The following MARCHF4 variants were observed in gnomAD, a reference collection of about 807,000 sequenced individuals.
MARCHF4 encodes E3 ubiquitin-protein ligase MARCHF4.
A neutral mutation model predicts 43.9 loss-of-function variants in MARCHF4; 14 were observed. The observed-to-expected ratio is 0.32, with a 90% CI of 0.21 to 0.50. The LOEUF (loss-of-function observed/expected upper bound fraction) is 0.50, where lower values mean the gene tolerates loss of function less well. Ranked by LOEUF, MARCHF4 falls within the 20% of genes least tolerant of loss-of-function variation. The pLI is 0.98. For synonymous variants in MARCHF4, 226 were observed against 213.3 expected, an observed-to-expected ratio of 1.06 and a Z score of -0.52; for missense variants, 468 against 536.7, an observed-to-expected ratio of 0.87 and a Z score of 1.27.
At chr2:216,309,756 G>T (rs1374048523) in intron 1 of MARCHF4, among the ~76,000 whole-genome samples, 1 of 152,216 alleles carries the variant, frequency 6.6e-6, no homozygotes, top group African/African-American at 2.4e-5. Flanking sequence ...GATGAAAATA[G>T]AAAGAGAGGC....
chr2:216,333,462 A>T (rs1692111790), intron 1 of MARCHF4, among the ~76,000 whole-genome samples: 1 of 152,238 alleles, frequency 6.6e-6, no homozygotes, highest in Non-Finnish European at 1.5e-5. Flanking sequence ...CACTGGATTG[A>T]CTCACATTAA....
chr2:216,354,360 C>G (rs1692449511), intron 1 of MARCHF4, among the ~76,000 whole-genome samples: 1 of 152,182 alleles, frequency 6.6e-6, no homozygotes, highest in Non-Finnish European at 1.5e-5. Flanking sequence ...TGCCTTGACT[C>G]CACCTACTCA....
intron 3 of MARCHF4, among the ~76,000 whole-genome samples, chr2:216,277,305 G>A (rs1291801527): frequency 6.6e-6 from 1 of 152,176 alleles, no homozygotes; most frequent in Non-Finnish European, 1.5e-5. Context: ...GGAATGAAAT[G>A]GGCAGGCATC....
intron 1 of MARCHF4, among the ~76,000 whole-genome samples, chr2:216,348,859 G>A (rs1203455009): frequency 6.6e-6 from 1 of 152,098 alleles, no homozygotes; most frequent in South Asian, 2.1e-4. Flanking sequence ...ACACACTAAA[G>A]ACTCCATTCA....
intron 1 of MARCHF4, among the ~76,000 whole-genome samples, chr2:216,340,170 C>A (rs1032827898): frequency 5.9e-5 from 9 of 152,196 alleles, no homozygotes; most frequent in African/African-American, 2.2e-4. Context: ...ATCCCTGGAG[C>A]TTTTCCACAA....
At chr2:216,327,732 A>T (rs1692017923) in intron 1 of MARCHF4, among the ~76,000 whole-genome samples, 1 of 152,232 alleles carries the variant, frequency 6.6e-6, no homozygotes, top group Admixed American at 6.5e-5. Context: ...ACCTGGCCAC[A>T]TAAATGAGTG....
At chr2:216,365,490 T>C (rs1488829174) in intron 1 of MARCHF4, among the ~76,000 whole-genome samples, 1 of 152,198 alleles carries the variant, frequency 6.6e-6, no homozygotes, top group African/African-American at 2.4e-5. Context: ...AAGGTATCCA[T>C]GTGTGGAGTG....
chr2:216,287,395 A>G (rs1691232648), intron 1 of MARCHF4, among the ~76,000 whole-genome samples: 1 of 152,052 alleles, frequency 6.6e-6, no homozygotes, highest in South Asian at 2.1e-4. Flanking sequence ...AGCAAACTCC[A>G]CAGATCAAAG....
intron 1 of MARCHF4, among the ~76,000 whole-genome samples, chr2:216,361,167 C>G (rs1168936719): frequency 6.6e-6 from 1 of 152,108 alleles, no homozygotes; most frequent in East Asian, 1.9e-4. Flanking sequence ...TCCAAAGACT[C>G]TGAGTCTAAT....
chr2:216,359,326 A>G (rs1692544272), intron 1 of MARCHF4, among the ~76,000 whole-genome samples: 1 of 152,178 alleles, frequency 6.6e-6, no homozygotes, highest in Non-Finnish European at 1.5e-5. Context: ...CAAAGAAGAG[A>G]ATGAATTATT....
chr2:216,287,611 G>T (rs1691236382), intron 1 of MARCHF4, among the ~76,000 whole-genome samples: 2 of 138,874 alleles, frequency 1.4e-5, no homozygotes, highest in African/African-American at 5.4e-5. Context: ...ACACAGGAAG[G>T]GGAACATCAC....
chr2:216,336,683 T>TAAATTTTGGTAATTCACCAAA (rs1692160882), intron 1 of MARCHF4, among the ~76,000 whole-genome samples: 1 of 142,616 alleles, frequency 7.0e-6, no homozygotes, highest in Non-Finnish European at 1.5e-5. Flanking sequence ...ATCGATTCAG[T>TAAATTTTGGTAATTCACCAAA]GTTGGTAAAT....
chr2:216,337,663 T>C (rs1692178436), intron 1 of MARCHF4, among the ~76,000 whole-genome samples: 1 of 152,224 alleles, frequency 6.6e-6, no homozygotes, highest in African/African-American at 2.4e-5. Context: ...ACTGTGCCTC[T>C]CTCCAAGTCT....
intron 1 of MARCHF4, among the ~76,000 whole-genome samples, chr2:216,326,974 A>T (rs549824700): frequency 1.4e-5 from 2 of 145,908 alleles, no homozygotes; most frequent in East Asian, 3.9e-4. Context: ...TAAAAAATAA[A>T]TAAATAAATA....
chr2:216,293,828 A>T (rs927781714), intron 1 of MARCHF4, among the ~76,000 whole-genome samples: 4 of 134,212 alleles, frequency 3.0e-5, no homozygotes, highest in African/African-American at 9.9e-5. Context: ...GAAGTCAAAC[A>T]TGATCTGCAT....
intron 1 of MARCHF4, among the ~76,000 whole-genome samples, chr2:216,360,371 C>T (rs551723447): frequency 2.0e-5 from 3 of 151,516 alleles, no homozygotes; most frequent in African/African-American, 7.3e-5. Flanking sequence ...AAACTGGTAC[C>T]ATTTGCCATA....
chr2:216,345,977 A>G (rs1692314449), intron 1 of MARCHF4, among the ~76,000 whole-genome samples: 1 of 152,156 alleles, frequency 6.6e-6, no homozygotes, highest in African/African-American at 2.4e-5. Flanking sequence ...CTAGAGTGTG[A>G]AAACAGGCAC....
intron 1 of MARCHF4, among the ~76,000 whole-genome samples, chr2:216,321,003 T>C (rs1159298141): frequency 6.6e-6 from 1 of 151,874 alleles, no homozygotes; most frequent in Non-Finnish European, 1.5e-5. Flanking sequence ...AGTAAGATTT[T>C]GCAAAATTTC....
rs543557662 is a variant in MARCHF4, at chr2:216,370,192, T to C, written c.69A>G (p.Gly23=). The part of the protein sequence containing the change: ...WCCCSGWYCY[G]LCAPAPQMLR... Reference sequence around the variant, plus strand: ...ACATCTGGGGGGCTGGGGCACACAATCCATAGCAGTACCAGCCGGAGCAGC... The same window carrying C: ...ACATCTGGGGGGCTGGGGCACACAACCCATAGCAGTACCAGCCGGAGCAGC... The change falls in exon 1 of 4, where the codon GGA becomes GGG. Residue 23 remains glycine (G), a synonymous_variant. Transcript: ENST00000273067. 6.2e-7 allele frequency: 1 copy of C among 1,612,732 alleles called. No individual in the cohort carries two copies. Among genetic ancestry groups the C allele is most frequent in the East Asian group, 2.2e-5 (1 of 44,840 alleles).
Sources: allele counts gnomAD v4.1 joint callset (sites outside exome capture counted in the v4.1 genomes callset), GRCh38; gene constraint gnomAD v4.1.1; transcripts MANE v1.5; gene names NCBI Gene and HGNC (gene_info 2026-07-23, HGNC 2026-07-21).